Variants in KALRN observed in about 807,000 individuals in gnomAD.
The protein encoded by KALRN is kalirin.
Under a neutral mutation model 353.7 loss-of-function variants are expected in KALRN, and 70 were observed. That is an observed-to-expected ratio of 0.20 (90% CI 0.16 to 0.24). KALRN has a LOEUF of 0.24. Among genes scored for constraint, KALRN ranks in the 10% least tolerant of loss-of-function variants. The probability of loss-of-function intolerance (pLI) is 1.00; values close to 1 mark genes in which losing one functional copy is unlikely to be tolerated. For missense variants in KALRN, 2,791 were observed against 3,756.7 expected (o/e 0.74, Z 6.72); for synonymous variants, 1,391 against 1,434.8 (o/e 0.97, Z 0.69).
At chr3:124,088,377 A>G (rs2060933942) in intron 1 of KALRN, among the ~76,000 whole-genome samples, 1 of 152,116 alleles carries the variant, frequency 6.6e-6, no homozygotes, top group Non-Finnish European at 1.5e-5. Flanking sequence ...TTCCCTAGTG[A>G]GGGAAGGAGA....
chr3:124,406,522 C>T (rs899424040), intron 13 of KALRN, among the ~76,000 whole-genome samples: 14 of 152,318 alleles, frequency 9.2e-5, no homozygotes, highest in African/African-American at 3.1e-4. Flanking sequence ...TTGTCTTCCA[C>T]TTTCCTCATC....
intron 1 of KALRN, among the ~76,000 whole-genome samples, chr3:124,124,042 G>A (rs1366701499): frequency 6.6e-6 from 1 of 152,194 alleles, no homozygotes; most frequent in Non-Finnish European, 1.5e-5. Context: ...TGACTTTCAA[G>A]TCTTATTATT....
chr3:124,038,296 G>T (rs1171258102), intron 1 of KALRN, among the ~76,000 whole-genome samples: 1 of 152,132 alleles, frequency 6.6e-6, no homozygotes, highest in Non-Finnish European at 1.5e-5. Context: ...ATTAGAAGAG[G>T]TGTTCAGAGG....
chr3:124,521,775 A>G (rs2067183743), intron 33 of KALRN, among the ~76,000 whole-genome samples: 1 of 152,208 alleles, frequency 6.6e-6, no homozygotes, highest in Non-Finnish European at 1.5e-5. Flanking sequence ...CTGTAGCGAC[A>G]CTGACTAATA....
chr3:124,284,870 C>T (rs775401983), intron 5 of KALRN, among the ~76,000 whole-genome samples: 15 of 152,186 alleles, frequency 9.9e-5, no homozygotes, highest in Non-Finnish European at 1.6e-4. Flanking sequence ...TGAATCAGTG[C>T]GAGCCCATCT....
rs1553707031 is a variant in KALRN at position 124,642,806 on chromosome 3, G to GTTTTTTTTTTGTTGTTGTTTTTT, written c.5664+5513_5664+5514insGTTGTTGTTTTTTTTTTTTTTTT. On this transcript the variant is annotated intron_variant, in intron 37 of 59. Transcript: ENST00000682506. ...TCTGTGGAAGAGATTCCCAAGCCTCGTTTTTTTTTTTTTTTTTTTTGAGAC... is the reference window on the plus strand; with the variant it reads ...TCTGTGGAAGAGATTCCCAAGCCTCGTTTTTTTTTTGTTGTTGTTTTTTTTTTTTTTTTTTTTTTTTTTGAGAC... Among the ~76,000 whole-genome samples the GTTTTTTTTTTGTTGTTGTTTTTT allele has an allele frequency of 8.0e-3, 771 of 96,710 alleles. 78 individuals carry two copies. The highest frequency in any genetic ancestry group is 0.031 in the African/African-American group (682 of 22,210). The allele number at this position is 96,710 out of a possible 152,430, so 63.4% of individuals were successfully genotyped here.
intron 28 of KALRN, among the ~76,000 whole-genome samples, chr3:124,484,281 G>A (rs1194228707): frequency 6.6e-6 from 1 of 152,208 alleles, no homozygotes; most frequent in Non-Finnish European, 1.5e-5. Context: ...AGGTGCAGGA[G>A]GCTGTGCCCT....
chr3:124,557,837 A>G (rs374215504), intron 33 of KALRN, among the ~76,000 whole-genome samples: 1 of 152,206 alleles, frequency 6.6e-6, no homozygotes, highest in East Asian at 1.9e-4. Flanking sequence ...AGGCAGTGTC[A>G]GAAGTCAGTA....
intron 3 of KALRN, among the ~76,000 whole-genome samples, chr3:124,261,419 A>G (rs112124364): frequency 2.8e-3 from 430 of 152,330 alleles, no homozygotes; most frequent in African/African-American, 4.6e-3. Context: ...TTTCCCAGCT[A>G]TGCCCCTTAC....
At chr3:124,421,482 T>C (rs1209466745) in intron 14 of KALRN, among the ~76,000 whole-genome samples, 1 of 152,216 alleles carries the variant, frequency 6.6e-6, no homozygotes. Context: ...TCATCTCATT[T>C]AATCCCACAA....
intron 49 of KALRN, among the ~76,000 whole-genome samples, chr3:124,676,952 A>G (rs573546472): frequency 6.6e-6 from 1 of 152,284 alleles, no homozygotes; most frequent in South Asian, 2.1e-4. Context: ...AGATTCAAGA[A>G]TATTACTGTG....
At chr3:124,686,075 A>T (rs2061544378) in intron 51 of KALRN, among the ~76,000 whole-genome samples, 1 of 152,212 alleles carries the variant, frequency 6.6e-6, no homozygotes, top group South Asian at 2.1e-4. Flanking sequence ...TCCCATGCTT[A>T]AGGCTTAAGA....
At chr3:124,539,363 A>T (rs894675920) in intron 33 of KALRN, among the ~76,000 whole-genome samples, 7 of 152,202 alleles carry the variant, frequency 4.6e-5, no homozygotes, top group Non-Finnish European at 1.0e-4. Flanking sequence ...AAAGTTCCAA[A>T]TCCTCTCCCA....
intron 1 of KALRN, among the ~76,000 whole-genome samples, chr3:124,164,932 A>G (rs965739308): frequency 6.6e-6 from 1 of 152,192 alleles, no homozygotes; most frequent in Admixed American, 6.5e-5. Context: ...TGTCCCGATC[A>G]TAGTACCCCT....
intron 1 of KALRN, among the ~76,000 whole-genome samples, chr3:124,044,891 TTCCTTC>T (rs879912057): frequency 0.42 from 26,073 of 61,854 alleles, 3,929 homozygotes; most frequent in East Asian, 0.62. Flanking sequence ...CCTTCCTTCC[TTCCTTC>T]CTTCCTTCCT....
chr3:124,207,610 G>A (rs1224188899), intron 1 of KALRN, among the ~76,000 whole-genome samples: 1 of 152,124 alleles, frequency 6.6e-6, no homozygotes, highest in African/African-American at 2.4e-5. Context: ...TTTGGAATAG[G>A]ATAGACCCAT....
chr3:124,263,475 G>T (rs1202796402), intron 3 of KALRN, among the ~76,000 whole-genome samples: 3 of 152,138 alleles, frequency 2.0e-5, no homozygotes, highest in Non-Finnish European at 2.9e-5. Context: ...TACCTGGAAG[G>T]CTGAGGCAGG....
In KALRN at chr3:124,582,018, A is replaced by ATT. The variant is rs71625758; in HGVS notation, c.5182+18948_5182+18949dup. On this transcript the variant is annotated intron_variant, in intron 34 of 59. Coordinates refer to ENST00000682506, the MANE Select transcript of KALRN (RefSeq NM_001388419.1). ...ATCTTGGGTGCAGACAACATGAGCT[A>ATT]TTTTTTTTTTTTTTTTTTTTGAGAC... Among the ~76,000 whole-genome samples the ATT allele has an allele frequency of 5.3e-3, 728 of 136,110 alleles. 13 individuals are homozygous for ATT. Among genetic ancestry groups the ATT allele is most frequent in the African/African-American group, 0.018 (642 of 35,580 alleles). 89.3% of individuals were successfully genotyped at this position (136,110 alleles called of 152,430 possible).
At chr3:124,039,929 G>A (rs2039798615) in intron 1 of KALRN, among the ~76,000 whole-genome samples, 1 of 152,068 alleles carries the variant, frequency 6.6e-6, no homozygotes, top group Non-Finnish European at 1.5e-5. Flanking sequence ...GGGGAGTATT[G>A]GGAAGACTTT....
Sources: allele counts gnomAD v4.1 joint callset (sites outside exome capture counted in the v4.1 genomes callset), GRCh38; gene constraint gnomAD v4.1.1; transcripts MANE v1.5; gene names NCBI Gene and HGNC (gene_info 2026-07-23, HGNC 2026-07-21).